The following KCND2 variants were observed in gnomAD, a reference collection of about 807,000 sequenced individuals.
The protein encoded by KCND2 is A-type voltage-gated potassium channel KCND2.
KCND2 carries 16 observed loss-of-function variants against 54.4 expected under a neutral mutation model. The ratio of observed to expected loss-of-function variants is 0.29; its 90% CI spans 0.20 to 0.45. KCND2 has a LOEUF of 0.45. KCND2 is among the 20% of genes least tolerant of loss of function. The pLI, the probability that KCND2 is intolerant of heterozygous loss-of-function variation, is 1.00. For missense variants in KCND2, 486 were observed against 824.2 expected, an observed-to-expected ratio of 0.59 and a Z score of 5.02; for synonymous variants, 317 against 310.7, an observed-to-expected ratio of 1.02 and a Z score of -0.21.
intron 1 of KCND2, among the ~76,000 whole-genome samples, chr7:120,676,139 C>G (rs988811721): frequency 2.6e-5 from 4 of 152,206 alleles, no homozygotes; most frequent in East Asian, 1.9e-4. Flanking sequence ...TGCCCAACCT[C>G]TCTTTCTATT....
intron 1 of KCND2, among the ~76,000 whole-genome samples, chr7:120,453,788 TCAA>T (rs1176539525): frequency 6.6e-6 from 1 of 152,072 alleles, no homozygotes; most frequent in African/African-American, 2.4e-5. Flanking sequence ...AACACTCATA[TCAA>T]AAAGTTAAAA....
chr7:120,732,319 G>C (rs530648236), intron 1 of KCND2, among the ~76,000 whole-genome samples: 7 of 152,138 alleles, frequency 4.6e-5, no homozygotes, highest in Admixed American at 2.0e-4. Context: ...AATAAAAGGA[G>C]TCTTTCAAGG....
chr7:120,648,267 GAGTTTGGAT>G (rs1269825493), intron 1 of KCND2, among the ~76,000 whole-genome samples: 2 of 152,052 alleles, frequency 1.3e-5, no homozygotes, highest in Admixed American at 1.3e-4. Context: ...GGGAATGAAT[GAGTTTGGAT>G]AGTGCAGGTC....
At chr7:120,663,765 C>G (rs1250564965) in intron 1 of KCND2, among the ~76,000 whole-genome samples, 1 of 152,178 alleles carries the variant, frequency 6.6e-6, no homozygotes. Flanking sequence ...AATAATGTCT[C>G]TACAGGAGAG....
intron 1 of KCND2, among the ~76,000 whole-genome samples, chr7:120,728,297 T>A (rs570180030): frequency 0.02 from 2,927 of 149,798 alleles, 30 homozygotes; most frequent in African/African-American, 0.027. Context: ...TTTTTTTTTT[T>A]TTAAAAATTT....
chr7:120,368,975 G>T lies in KCND2; in HGVS notation c.1115+93228G>T, dbSNP rs189913839. Among the ~76,000 whole-genome samples, 527 of 152,100 alleles carry T rather than the reference G, an allele frequency of 3.5e-3. 3 individuals are homozygous for T. Among genetic ancestry groups the T allele is most frequent in the African/African-American group, 0.012 (503 of 41,532 alleles). ...GTGGATAACCTGCAGCTGCTCATTT[G>T]CCAAACTAAGCTGGAGCTACTGTTT... On this transcript the variant is annotated intron_variant, in intron 1 of 5. Coordinates refer to ENST00000331113, the MANE Select transcript of KCND2 (RefSeq NM_012281.3).
At chr7:120,406,835 G>A (rs1454348723) in intron 1 of KCND2, among the ~76,000 whole-genome samples, 1 of 151,924 alleles carries the variant, frequency 6.6e-6, no homozygotes, top group African/African-American at 2.4e-5. Flanking sequence ...GCTATATGAA[G>A]GGTATCTGTA....
chr7:120,563,974 G>A (rs960295754), intron 1 of KCND2, among the ~76,000 whole-genome samples: 7 of 152,054 alleles, frequency 4.6e-5, no homozygotes, highest in African/African-American at 1.5e-4. Context: ...TCTACATGAG[G>A]CAACTTAAAG....
At chr7:120,517,011 T>A (rs1803206396) in intron 1 of KCND2, among the ~76,000 whole-genome samples, 1 of 151,536 alleles carries the variant, frequency 6.6e-6, no homozygotes, top group Admixed American at 6.6e-5. Flanking sequence ...AGGAAACTAT[T>A]TGATCCAGTA....
intron 1 of KCND2, among the ~76,000 whole-genome samples, chr7:120,573,422 AG>A (rs1176094141): frequency 1.3e-5 from 2 of 152,216 alleles, no homozygotes; most frequent in Non-Finnish European, 2.9e-5. Context: ...TTCCAAGTTT[AG>A]CCCATCCGAA....
At chr7:120,356,453 C>T (rs73217204) in intron 1 of KCND2, among the ~76,000 whole-genome samples, 8 of 152,124 alleles carry the variant, frequency 5.3e-5, no homozygotes, top group Non-Finnish European at 1.0e-4. Context: ...TAAATAAATA[C>T]TTTGAATGAT....
intron 1 of KCND2, among the ~76,000 whole-genome samples, chr7:120,507,984 C>T (rs1271491761): frequency 1.3e-5 from 2 of 151,450 alleles, no homozygotes; most frequent in African/African-American, 2.4e-5. Flanking sequence ...ATAAGCTTAT[C>T]TTCTTTAGAG....
intron 1 of KCND2, among the ~76,000 whole-genome samples, chr7:120,482,379 G>A (rs559329329): frequency 6.6e-6 from 1 of 152,196 alleles, no homozygotes; most frequent in African/African-American, 2.4e-5. Flanking sequence ...CTTTTGAACT[G>A]GCACTGGAAC....
intron 1 of KCND2, among the ~76,000 whole-genome samples, chr7:120,456,916 C>T (rs1343806006): frequency 1.3e-5 from 2 of 152,234 alleles, no homozygotes; most frequent in African/African-American, 4.8e-5. Context: ...TCTGCCTGGA[C>T]ATCCAGGTAT....
At chr7:120,673,502 A>G (rs1431580129) in intron 1 of KCND2, among the ~76,000 whole-genome samples, 1 of 152,034 alleles carries the variant, frequency 6.6e-6, no homozygotes, top group African/African-American at 2.4e-5. Context: ...TCATCCACCA[A>G]TGTTACTTGT....
intron 1 of KCND2, among the ~76,000 whole-genome samples, chr7:120,314,295 T>G (rs1799781972): frequency 1.3e-5 from 2 of 150,458 alleles, no homozygotes. Flanking sequence ...ATCGCACCAC[T>G]GCACCCCAGC....
chr7:120,692,670 A>G (rs112269790), intron 1 of KCND2, among the ~76,000 whole-genome samples: 1 of 152,276 alleles, frequency 6.6e-6, no homozygotes, highest in African/African-American at 2.4e-5. Flanking sequence ...AAAGTGTCCT[A>G]CTGTTTGGGA....
intron 2 of KCND2, 128 bp downstream of exon 2, chr7:120,733,193 TTATTC>T: frequency 2.3e-6 from 2 of 852,380 alleles, no homozygotes; most frequent in Non-Finnish European, 3.9e-6. Context: ...ACCGAGTAGG[TTATTC>T]TACACTAAAA....
At chr7:120,649,213 T>G (rs1421187360) in intron 1 of KCND2, among the ~76,000 whole-genome samples, 1 of 152,154 alleles carries the variant, frequency 6.6e-6, no homozygotes, top group African/African-American at 2.4e-5. Context: ...TTGTTTTTTT[T>G]TTTCATTTCA....
Sources: gnomAD v4.1 joint callset for allele counts (sites outside exome capture counted in the v4.1 genomes callset) on GRCh38, gnomAD v4.1.1 for gene constraint, MANE v1.5 for transcripts, NCBI Gene and HGNC (gene_info 2026-07-23, HGNC 2026-07-21) for gene names.